Variants in ZSCAN2 observed in about 807,000 individuals in gnomAD.
ZSCAN2 encodes zinc finger and SCAN domain-containing protein 2.
ZSCAN2 carries 26 observed loss-of-function variants against 47.8 expected under a neutral mutation model. The observed-to-expected ratio is 0.54, with a 90% CI of 0.40 to 0.75. ZSCAN2 has a LOEUF of 0.75. Among genes scored for constraint, ZSCAN2 ranks in the 30% least tolerant of loss-of-function variants. The pLI is 0.00. For missense variants in ZSCAN2, 732 were observed against 785.4 expected (o/e 0.93, Z 0.81); for synonymous variants, 305 against 288.7 (o/e 1.06, Z -0.57).
chr15:84,619,073 C>G (rs1895757375), intron 2 of ZSCAN2, among the ~76,000 whole-genome samples: 1 of 152,104 alleles, frequency 6.6e-6, no homozygotes. Context: ...CTAATGATTT[C>G]TTTTACTCAA....
chr15:84,607,565 G>A (rs1169524815), intron 2 of ZSCAN2, among the ~76,000 whole-genome samples: 1 of 152,028 alleles, frequency 6.6e-6, no homozygotes, highest in African/African-American at 2.4e-5. Flanking sequence ...CTGGAGTGCA[G>A]TGGTGCCATC....
rs1336184645 is a variant in ZSCAN2 at position 84,621,350 on chromosome 15, A to C, written c.1155A>C (p.Thr385=). ...SNLIRHQRIH[T]GEKPYKCTDC... ...TAATCAGACACCAGAGAATCCACAC[A>C]GGAGAGAAACCCTACAAATGTACCG... Residue 385 remains threonine (T), a synonymous_variant, in exon 3 of 3, where the codon ACA becomes ACC. Coordinates refer to ENST00000546148, the MANE Select transcript of ZSCAN2 (RefSeq NM_181877.4). The surrounding 1 kb of genome is among the most constrained non-coding windows in gnomAD (Gnocchi z 5.7). 6.2e-7 allele frequency: 1 copy of C among 1,614,114 alleles called. No homozygotes were observed. The highest frequency in any genetic ancestry group is 1.1e-5 in the South Asian group (1 of 91,082).
intron 2 of ZSCAN2, among the ~76,000 whole-genome samples, chr15:84,605,226 G>T (rs527360483): frequency 5.3e-5 from 8 of 152,264 alleles, no homozygotes; most frequent in Admixed American, 4.6e-4. Context: ...CCGTTTAACC[G>T]CTGTCTCCCT....
At chr15:84,602,508 G>GA (rs1298546831) in intron 1 of ZSCAN2, among the ~76,000 whole-genome samples, 1 of 151,616 alleles carries the variant, frequency 6.6e-6, no homozygotes, top group African/African-American at 2.4e-5. Context: ...AGGCTCCTTT[G>GA]AGCCCCTTTC....
At chr15:84,610,620 G>A (rs1895519738) in intron 2 of ZSCAN2, among the ~76,000 whole-genome samples, 1 of 151,708 alleles carries the variant, frequency 6.6e-6, no homozygotes, top group African/African-American at 2.4e-5. Flanking sequence ...CCGAGTAGGT[G>A]GGACTACAGG....
Position 84,622,076 on chromosome 15 carries a change from G to A in ZSCAN2, c.*36G>A. On this transcript the variant is annotated 3_prime_UTR_variant, in exon 3 of 3. Transcript: ENST00000546148. ...AGTGAAAGTGAGGGACTGGCCTGGA[G>A]TGGGAGTTGCCACACTGCCCCAACA... is the stretch of plus-strand genomic sequence containing the variant. 1 of 1,531,112 alleles carries A rather than the reference G, an allele frequency of 6.5e-7. No homozygotes were observed. Among genetic ancestry groups the A allele is most frequent in the Non-Finnish European group, 8.9e-7 (1 of 1,129,716 alleles). The allele number at this position is 1,531,112 out of a possible 1,614,324, so 94.8% of individuals were successfully genotyped here. A position where few individuals can be genotyped will look rare whatever the true frequency, so the allele number is the denominator to read the frequency against.
intron 2 of ZSCAN2, among the ~76,000 whole-genome samples, chr15:84,609,174 G>C (rs1159994587): frequency 2.0e-5 from 3 of 151,670 alleles, no homozygotes; most frequent in Non-Finnish European, 4.4e-5. Context: ...GTCTCAGCCA[G>C]AAAGGGAGTG....
chr15:84,621,072 C>G lies in ZSCAN2; in HGVS notation c.877C>G (p.Leu293Val). The change falls in exon 3 of 3, where the codon CTC becomes GTC. Residue 293 changes from leucine (L) to valine (V), a missense_variant. Physicochemically the swap from Leu to Val is conservative, Grantham distance 32 (BLOSUM62 1). Coordinates refer to ENST00000546148, the MANE Select transcript of ZSCAN2 (RefSeq NM_181877.4). The surrounding 1 kb of genome is among the most constrained non-coding windows in gnomAD (Gnocchi z 5.7). The stretch of plus-strand genomic sequence containing the variant: ...GAAGAGCTTTAGCCGGAGTGCCAAC[C>G]TCATAACCCACCAGAGGATCCACAC... ...CGKSFSRSAN[L>V]ITHQRIHTGE... The G allele has an allele frequency of 6.2e-7, 1 of 1,613,314 alleles. No homozygotes were observed. Among genetic ancestry groups the G allele is most frequent in the South Asian group, 1.1e-5 (1 of 91,020 alleles).
At chr15:84,610,544 A>T (rs1436328064) in intron 2 of ZSCAN2, among the ~76,000 whole-genome samples, 1 of 140,036 alleles carries the variant, frequency 7.1e-6, no homozygotes, top group Non-Finnish European at 1.5e-5. Flanking sequence ...GCTGGAGTGC[A>T]GTGGCGCCAT....
In ZSCAN2 at chr15:84,621,632, T is replaced by G. The variant is rs2141801512; in HGVS notation, c.1437T>G (p.Cys479Trp). The G allele has an allele frequency of 6.2e-7, 1 of 1,613,760 alleles. No homozygotes were observed. Among genetic ancestry groups the G allele is most frequent in the East Asian group, 2.2e-5 (1 of 44,860 alleles). Residue 479 changes from cysteine to tryptophan, a missense_variant, in exon 3 of 3, where the codon TGT (cysteine) becomes TGG (tryptophan). By Grantham distance (215) the Cys-to-Trp change is radical. This residue lies in a region of ZSCAN2 where 412 missense variants were observed against 498.0 expected (regional missense o/e 0.83). Coordinates refer to ENST00000546148, the MANE Select transcript of ZSCAN2 (RefSeq NM_181877.4). The surrounding 1 kb of genome is among the most constrained non-coding windows in gnomAD (Gnocchi z 5.7). ...AGAAACCCTACGAGTGCCTGACATG[T>G]GGGGAGAGCTTCAGCTGGAGCTCCA... Reference protein sequence around the residue: ...TGEKPYECLTCGESFSWSSNL... With the variant: ...TGEKPYECLTWGESFSWSSNL...
chr15:84,606,874 C>A (rs1383263207), intron 2 of ZSCAN2: 3 of 1,151,046 alleles, frequency 2.6e-6, no homozygotes, highest in East Asian at 6.2e-5. Context: ...AACGCCCCGA[C>A]CTTCCTCATG....
intron 2 of ZSCAN2, 83 bp downstream of exon 2, chr15:84,604,416 G>A: frequency 1.3e-6 from 2 of 1,503,854 alleles, no homozygotes; most frequent in South Asian, 1.3e-5. Flanking sequence ...AGGAGAAGGT[G>A]GTGTCCAAGG....
intron 2 of ZSCAN2, among the ~76,000 whole-genome samples, chr15:84,619,259 GTC>G (rs1381882585): frequency 9.2e-5 from 14 of 151,996 alleles, no homozygotes; most frequent in African/African-American, 3.4e-4. Context: ...GTGAAACCCC[GTC>G]TCTCTAAAAA....
chr15:84,608,265 C>T (rs57455980), intron 2 of ZSCAN2, among the ~76,000 whole-genome samples: 27,060 of 151,880 alleles, frequency 0.18, 3,044 homozygotes, highest in East Asian at 0.43. Context: ...CGCAATGGCT[C>T]ACGGCTGTAA....
rs1895834286 is a variant in ZSCAN2 at position 84,622,267 on chromosome 15, G to A, written c.*227G>A. On this transcript the variant is annotated 3_prime_UTR_variant, in exon 3 of 3. Coordinates refer to ENST00000546148, the MANE Select transcript of ZSCAN2 (RefSeq NM_181877.4). ...TAGGCGTGGAAGGTCTGGAAAGTTG[G>A]GTCTTTTTCCCTTACATTGGGTGAC... 8.7e-6 allele frequency: 5 copies of A among 576,498 alleles called. No homozygotes were observed. Among genetic ancestry groups the A allele is most frequent in the Non-Finnish European group, 1.6e-5 (5 of 320,088 alleles). 35.7% of individuals were successfully genotyped at this position (576,498 alleles called of 1,614,324 possible). A position where few individuals can be genotyped will look rare whatever the true frequency, so the allele number is the denominator to read the frequency against.
intron 2 of ZSCAN2, among the ~76,000 whole-genome samples, chr15:84,609,279 T>G (rs559755201): frequency 5.9e-5 from 9 of 151,344 alleles, no homozygotes; most frequent in Non-Finnish European, 1.5e-5. Context: ...ATATCTATGA[T>G]ATATATCATA....
chr15:84,603,965 T>C lies in ZSCAN2; in HGVS notation c.38T>C (p.Leu13Pro), dbSNP rs1567005663. 6.2e-7 allele frequency: 1 copy of C among 1,613,914 alleles called. No homozygotes were observed. Among genetic ancestry groups the C allele is most frequent in the South Asian group, 1.1e-5 (1 of 91,076 alleles). ...AADIPRVTTP[L>P]SSLVQVPQEE... ...GACATCCCGAGAGTGACCACTCCGC[T>C]GAGCTCCTTGGTCCAGGTGCCTCAA... The change falls in exon 2 of 3, where the codon CTG becomes CCG. Residue 13 changes from leucine (L) to proline (P), a missense_variant. Leu to Pro is a moderately conservative substitution (Grantham distance 98). Coordinates refer to ENST00000546148, the MANE Select transcript of ZSCAN2 (RefSeq NM_181877.4).
rs1267802870 is a variant in ZSCAN2 at position 84,620,638 on chromosome 15, ATCAAGACATGTT to A, written c.445_456del (p.Gln149_Phe152del). 1 of 1,612,548 alleles carries A rather than the reference ATCAAGACATGTT, an allele frequency of 6.2e-7. No individual in the cohort carries two copies. The highest frequency in any genetic ancestry group is 8.5e-7 in the Non-Finnish European group (1 of 1,178,708). On this transcript the variant is annotated inframe_deletion, in exon 3 of 3. Transcript: ENST00000546148. ...CAGAGTGAAAATGGGGAGAACTGTA[ATCAAGACATGTT>A]TGAGAATGAATCACGTAAGATATTC...
chr15:84,622,078 G>A lies in ZSCAN2; in HGVS notation c.*38G>A, dbSNP rs1403763537. Reference sequence around the variant, plus strand: ...TGAAAGTGAGGGACTGGCCTGGAGTGGGAGTTGCCACACTGCCCCAACAGT... The same window carrying A: ...TGAAAGTGAGGGACTGGCCTGGAGTAGGAGTTGCCACACTGCCCCAACAGT... On this transcript the variant is annotated 3_prime_UTR_variant, in exon 3 of 3. Transcript: ENST00000546148. 5.9e-6 allele frequency: 9 copies of A among 1,520,282 alleles called. No homozygotes were observed. The highest frequency in any genetic ancestry group is 3.6e-6 in the Non-Finnish European group (4 of 1,121,142). 94.2% of individuals were successfully genotyped at this position (1,520,282 alleles called of 1,614,324 possible). A position where few individuals can be genotyped will look rare whatever the true frequency, so the allele number is the denominator to read the frequency against.
Sources: gnomAD v4.1 joint callset for allele counts (sites outside exome capture counted in the v4.1 genomes callset) on GRCh38, gnomAD v4.1.1 for gene constraint, gnomAD v4.1.1 regional missense constraint, Gnocchi (gnomAD v3.1) non-coding constraint, MANE v1.5 for transcripts, NCBI Gene and HGNC (gene_info 2026-07-23, HGNC 2026-07-21) for gene names.